The following FAM120A variants were observed in gnomAD, a reference collection of about 807,000 sequenced individuals.
The protein encoded by FAM120A is family with sequence similarity 120 member A.
FAM120A carries 15 observed loss-of-function variants against 109.7 expected under a neutral mutation model. The ratio of observed to expected loss-of-function variants is 0.14; its 90% CI spans 0.09 to 0.21. The LOEUF (loss-of-function observed/expected upper bound fraction) is 0.21. FAM120A is among the 10% of genes least tolerant of loss of function. The pLI is 1.00. For synonymous variants in FAM120A, 493 were observed against 572.8 expected, an observed-to-expected ratio of 0.86 and a Z score of 1.99; for missense variants, 899 against 1,439.3, an observed-to-expected ratio of 0.62 and a Z score of 6.07.
Position 93,532,560 on chromosome 9 carries a change from T to C in FAM120A, c.1909+231T>C. ...CAATAATGATGTTTATTCAGTAAAA[T>C]AATAAAACAGGTTTACACTTTAAAG... On this transcript the variant is annotated intron_variant, in intron 10 of 17. Coordinates refer to ENST00000277165, the MANE Select transcript of FAM120A (RefSeq NM_014612.5). The surrounding 1 kb of genome is among the most constrained non-coding windows in gnomAD (Gnocchi z 4.3). The C allele has an allele frequency of 1.9e-6, 1 of 534,190 alleles. No individual in the cohort carries two copies. The highest frequency in any genetic ancestry group is 3.4e-6 in the Non-Finnish European group (1 of 297,544). 33.1% of individuals were successfully genotyped at this position (534,190 alleles called of 1,614,324 possible). A position where few individuals can be genotyped will look rare whatever the true frequency, so the allele number is the denominator to read the frequency against.
chr9:93,532,485 G>T lies in FAM120A; in HGVS notation c.1909+156G>T, dbSNP rs914177588. 22 of 694,850 alleles carry T rather than the reference G, an allele frequency of 3.2e-5. No individual in the cohort carries two copies. Among genetic ancestry groups the T allele is most frequent in the Admixed American group, 1.7e-4 (6 of 36,304 alleles). 43.0% of individuals were successfully genotyped at this position (694,850 alleles called of 1,614,324 possible). ...ATCGGGGCAGTAGGCCAGGGTAAAGGCTCTTAGAAAAGGAGGAGAAGCCAC... is the reference window on the plus strand; with the variant it reads ...ATCGGGGCAGTAGGCCAGGGTAAAGTCTCTTAGAAAAGGAGGAGAAGCCAC... On this transcript the variant is annotated intron_variant, in intron 10 of 17. Coordinates refer to ENST00000277165, the MANE Select transcript of FAM120A (RefSeq NM_014612.5). The surrounding 1 kb of genome is among the most constrained non-coding windows in gnomAD (Gnocchi z 4.3).
chr9:93,532,474 C>A lies in FAM120A; in HGVS notation c.1909+145C>A, dbSNP rs1412764995. On this transcript the variant is annotated intron_variant, in intron 10 of 17. Coordinates refer to ENST00000277165, the MANE Select transcript of FAM120A (RefSeq NM_014612.5). The surrounding 1 kb of genome is among the most constrained non-coding windows in gnomAD (Gnocchi z 4.3). ...GTGGGCCCATCATCGGGGCAGTAGG[C>A]CAGGGTAAAGGCTCTTAGAAAAGGA... The A allele has an allele frequency of 2.8e-5, 22 of 787,048 alleles. No homozygotes were observed. The highest frequency in any genetic ancestry group is 4.2e-5 in the Non-Finnish European group (20 of 474,486). 48.8% of individuals were successfully genotyped at this position (787,048 alleles called of 1,614,324 possible).
intron 10 of FAM120A, among the ~76,000 whole-genome samples, chr9:93,534,023 G>A (rs1432217687): frequency 6.6e-6 from 1 of 152,124 alleles, no homozygotes; most frequent in Admixed American, 6.5e-5. Context: ...TGGGCCATTC[G>A]GCATCATTGG....
At chr9:93,479,872 GC>G (rs1174232754) in intron 3 of FAM120A, among the ~76,000 whole-genome samples, 1 of 152,196 alleles carries the variant, frequency 6.6e-6, no homozygotes, top group African/African-American at 2.4e-5. Flanking sequence ...ACTGTCCACA[GC>G]CCTGGTTGTG....
chr9:93,454,760 A>G (rs1447978491), intron 1 of FAM120A, among the ~76,000 whole-genome samples: 1 of 152,256 alleles, frequency 6.6e-6, no homozygotes, highest in Admixed American at 6.5e-5. Flanking sequence ...AATATTCAGC[A>G]TTCTCTGTTT....
At chr9:93,464,959 T>A (rs888412084) in intron 1 of FAM120A, among the ~76,000 whole-genome samples, 1 of 152,204 alleles carries the variant, frequency 6.6e-6, no homozygotes, top group African/African-American at 2.4e-5. Context: ...ACACATTTCA[T>A]TGTATTATGC....
intron 17 of FAM120A, 53 bp from the exon 18 acceptor site, chr9:93,564,176 T>C (rs535842228): frequency 1.9e-6 from 3 of 1,557,668 alleles, no homozygotes; most frequent in Non-Finnish European, 2.6e-6. Context: ...GCATCCTCTC[T>C]CTTCTGTTTA....
intron 3 of FAM120A, among the ~76,000 whole-genome samples, chr9:93,496,803 C>A (rs1051453453): frequency 6.6e-6 from 1 of 152,220 alleles, no homozygotes; most frequent in African/African-American, 2.4e-5. Flanking sequence ...GGTGGCTGGT[C>A]TTCTTTTTCA....
intron 3 of FAM120A, among the ~76,000 whole-genome samples, chr9:93,487,961 ACTG>A (rs1859138612): frequency 6.6e-6 from 1 of 152,090 alleles, no homozygotes; most frequent in South Asian, 2.1e-4. Flanking sequence ...TCTATTTCAC[ACTG>A]CTTTCTCTTA....
intron 3 of FAM120A, among the ~76,000 whole-genome samples, chr9:93,492,329 T>C (rs575729312): frequency 1.3e-5 from 2 of 152,344 alleles, no homozygotes; most frequent in African/African-American, 4.8e-5. Context: ...AGATTCCCTG[T>C]TATTTTTAAA....
rs1564349074 is a variant in FAM120A, at chr9:93,532,590, T to C, written c.1909+261T>C. 1 of 439,046 alleles carries C rather than the reference T, an allele frequency of 2.3e-6. No homozygotes were observed. The highest frequency in any genetic ancestry group is 6.4e-4 in the Middle Eastern group (1 of 1,552). The allele number at this position is 439,046 out of a possible 1,614,324, so 27.2% of individuals were successfully genotyped here. On this transcript the variant is annotated intron_variant, in intron 10 of 17. Transcript: ENST00000277165. The surrounding 1 kb of genome is among the most constrained non-coding windows in gnomAD (Gnocchi z 4.3). ...AAACAGGTTTACACTTTAAAGTGAA[T>C]GTTGATCTGAAAGCAGACTTGAATT...
Position 93,452,792 on chromosome 9 carries a change from CA to C in FAM120A, c.474+405del. Reference sequence around the variant, plus strand: ...TCTAATTTAGCCTGTTCTTTCCCAGCAACAGGTTCATCTTGGAAGCAGGCAG... The same window carrying C: ...TCTAATTTAGCCTGTTCTTTCCCAGCACAGGTTCATCTTGGAAGCAGGCAG... On this transcript the variant is annotated intron_variant, in intron 1 of 17. Transcript: ENST00000277165. The surrounding 1 kb of genome is among the most constrained non-coding windows in gnomAD (Gnocchi z 7.0). 1 of 1,591,044 alleles carries C rather than the reference CA, an allele frequency of 6.3e-7. No individual in the cohort carries two copies. Among genetic ancestry groups the C allele is most frequent in the Non-Finnish European group, 8.5e-7 (1 of 1,177,036 alleles).
At chr9:93,563,457 C>A (rs1862541240) in intron 17 of FAM120A, among the ~76,000 whole-genome samples, 1 of 152,164 alleles carries the variant, frequency 6.6e-6, no homozygotes, top group Non-Finnish European at 1.5e-5. Context: ...ATGGGTGAAG[C>A]CTAGACATTT....
intron 15 of FAM120A, among the ~76,000 whole-genome samples, chr9:93,558,978 G>A (rs1862387655): frequency 6.6e-6 from 1 of 152,118 alleles, no homozygotes; most frequent in South Asian, 2.1e-4. Flanking sequence ...ACCTTTCTGT[G>A]CACCTGGGTA....
intron 11 of FAM120A, among the ~76,000 whole-genome samples, chr9:93,550,258 G>A (rs1862047229): frequency 6.6e-6 from 1 of 152,154 alleles, no homozygotes; most frequent in African/African-American, 2.4e-5. Context: ...CTGAAAATTG[G>A]TACTTAGAAT....
Position 93,558,626 on chromosome 9 carries a change from G to A in FAM120A, c.2714G>A (p.Gly905Asp), listed in dbSNP as rs1182256390. The change falls in exon 15 of 18, where the codon GGC becomes GAC. Residue 905 changes from glycine (G) to aspartate (D), a missense_variant. Transcript: ENST00000277165. ...CCCTATGGGGAAACGGTAGCAACAGGCCCTTACCGTGCCTTCCGTGTGGCG... is the reference window on the plus strand; with the variant it reads ...CCCTATGGGGAAACGGTAGCAACAGACCCTTACCGTGCCTTCCGTGTGGCG... ...GGPYGETVAT[G>D]PYRAFRVAAA... 2.5e-6 allele frequency: 4 copies of A among 1,614,096 alleles called. No homozygotes were observed. Among genetic ancestry groups the A allele is most frequent in the Non-Finnish European group, 3.4e-6 (4 of 1,180,032 alleles).
At chr9:93,503,666 C>G (rs1329120300) in intron 5 of FAM120A, among the ~76,000 whole-genome samples, 10 of 151,992 alleles carry the variant, frequency 6.6e-5, no homozygotes, top group African/African-American at 2.4e-4. Flanking sequence ...ATACTTCTAG[C>G]CATATCCAGA....
chr9:93,498,950 C>T lies in FAM120A; in HGVS notation c.1030+64C>T. 2 of 1,015,558 alleles carry T rather than the reference C, an allele frequency of 2.0e-6. No individual in the cohort carries two copies. Among genetic ancestry groups the T allele is most frequent in the South Asian group, 2.6e-5 (2 of 77,460 alleles). The allele number at this position is 1,015,558 out of a possible 1,614,324, so 62.9% of individuals were successfully genotyped here. A position where few individuals can be genotyped will look rare whatever the true frequency, so the allele number is the denominator to read the frequency against. On this transcript the variant is annotated intron_variant, in intron 5 of 17. Coordinates refer to ENST00000277165, the MANE Select transcript of FAM120A (RefSeq NM_014612.5). This position sits in a 1 kb window ranked among gnomAD's most constrained non-coding sequence, Gnocchi z 4.4. ...GATAATCCAAGTAGGTTTAAATATT[C>T]ACCATATAATCTTGTAGGTTTATGT...
intron 5 of FAM120A, among the ~76,000 whole-genome samples, chr9:93,508,940 A>G (rs1030543097): frequency 4.6e-5 from 7 of 152,194 alleles, no homozygotes; most frequent in Non-Finnish European, 1.0e-4. Context: ...GAAAGACAAT[A>G]TGTAAAGAAT....
Sources: allele counts gnomAD v4.1 joint callset (sites outside exome capture counted in the v4.1 genomes callset), GRCh38; gene constraint gnomAD v4.1.1; non-coding constraint Gnocchi (gnomAD v3.1); transcripts MANE v1.5; gene names NCBI Gene and HGNC (gene_info 2026-07-23, HGNC 2026-07-21).